Variants in SLCO2B1 observed in about 807,000 individuals in gnomAD.
SLCO2B1 encodes OATP-RP2.
A neutral mutation model predicts 67.3 loss-of-function variants in SLCO2B1; 41 were observed. The observed-to-expected ratio is 0.61, with a 90% CI of 0.47 to 0.79. SLCO2B1 has a LOEUF of 0.79. Among genes scored for constraint, SLCO2B1 ranks in the 30% least tolerant of loss-of-function variants. The probability of loss-of-function intolerance (pLI) is 0.00; values close to 1 mark genes in which losing one functional copy is unlikely to be tolerated. For synonymous variants in SLCO2B1, 379 were observed against 381.4 expected (o/e 0.99, Z 0.07); for missense variants, 837 against 920.1 (o/e 0.91, Z 1.17).
chr11:75,195,008 G>A (rs1022898773), intron 9 of SLCO2B1, among the ~76,000 whole-genome samples: 1 of 152,116 alleles, frequency 6.6e-6, no homozygotes, highest in Non-Finnish European at 1.5e-5. Context: ...AAGAACCGAC[G>A]GTCTCCCTTC....
intron 3 of SLCO2B1, 120 bp downstream of exon 3, chr11:75,164,220 C>A: frequency 5.4e-6 from 6 of 1,117,010 alleles, no homozygotes; most frequent in Non-Finnish European, 7.5e-6. Context: ...CCTCAGGCAA[C>A]CCCTGTCCCA....
At chr11:75,156,098 A>G (rs1229604326) in intron 1 of SLCO2B1, among the ~76,000 whole-genome samples, 1 of 152,196 alleles carries the variant, frequency 6.6e-6, no homozygotes, top group Non-Finnish European at 1.5e-5. Context: ...GGAGATAGAC[A>G]CTGCTCACTC....
intron 3 of SLCO2B1, among the ~76,000 whole-genome samples, chr11:75,165,069 C>T (rs538356312): frequency 2.0e-5 from 3 of 152,172 alleles, no homozygotes; most frequent in Admixed American, 6.5e-5. Context: ...CAGAGACTGT[C>T]CCTGCCCTGC....
intron 2 of SLCO2B1, chr11:75,163,037 C>T (rs970317820): frequency 4.0e-5 from 12 of 299,812 alleles, no homozygotes; most frequent in South Asian, 1.8e-4. Context: ...GGATGAGGCA[C>T]CCCTTGTTTC....
At chr11:75,196,750 TACTCTCC>T in intron 10 of SLCO2B1, 71 bp downstream of exon 10, 1 of 1,385,740 alleles carries the variant, frequency 7.2e-7, no homozygotes. Context: ...GGGCCTGTCA[TACTCTCC>T]ACTTCTGCAT....
intron 1 of SLCO2B1, chr11:75,159,823 T>C (rs1831801751): frequency 2.8e-5 from 28 of 984,786 alleles, no homozygotes; most frequent in Non-Finnish European, 3.4e-5. Context: ...CAGGAAGGCT[T>C]TGAGCCTTGG....
At chr11:75,162,903 G>C in intron 2 of SLCO2B1, 118 bp downstream of exon 2, 1 of 1,245,564 alleles carries the variant, frequency 8.0e-7, no homozygotes, top group African/African-American at 1.5e-5. Context: ...TCTATAGAAT[G>C]TGTGGCTGTG....
chr11:75,177,181 C>T (rs1950036349), intron 7 of SLCO2B1, among the ~76,000 whole-genome samples: 1 of 151,640 alleles, frequency 6.6e-6, no homozygotes, highest in Non-Finnish European at 1.5e-5. Context: ...CCTCTACACA[C>T]ACACACACAC....
At chr11:75,156,595 G>T (rs1451510846) in intron 1 of SLCO2B1, among the ~76,000 whole-genome samples, 2 of 152,132 alleles carry the variant, frequency 1.3e-5, no homozygotes, top group African/African-American at 4.8e-5. Context: ...CCAGAAAGGG[G>T]TCTGGATCCA....
chr11:75,204,501 A>T lies in SLCO2B1; in HGVS notation c.2051A>T (p.Glu684Val), dbSNP rs1215773529. The part of the protein sequence containing the change: ...RQQDKEARTK[E>V]SRSSPAVEQQ... ...CAGGACAAAGAGGCAAGGACCAAAG[A>T]GAGCAGATCCAGCCCTGCCGTAGAG... is the stretch of plus-strand genomic sequence containing the variant. Residue 684 changes from glutamate (E) to valine (V), a missense_variant, in exon 14 of 14, where the codon GAG becomes GTG. Glu to Val is a moderately radical substitution (Grantham distance 121, BLOSUM62 -2). Transcript: ENST00000289575. 6.2e-7 allele frequency: 1 copy of T among 1,613,598 alleles called. No individual in the cohort carries two copies. The highest frequency in any genetic ancestry group is 8.5e-7 in the Non-Finnish European group (1 of 1,179,742).
chr11:75,200,515 C>G (rs1945166773), intron 11 of SLCO2B1, 128 bp downstream of exon 11: 1 of 898,224 alleles, frequency 1.1e-6, no homozygotes, highest in Non-Finnish European at 1.6e-6. Flanking sequence ...CACAATATGG[C>G]CTTAACTGTG....
intron 7 of SLCO2B1, among the ~76,000 whole-genome samples, chr11:75,181,318 C>T (rs1041983002): frequency 3.5e-5 from 5 of 144,284 alleles, no homozygotes; most frequent in Non-Finnish European, 6.0e-5. Flanking sequence ...TGCAGTGAGC[C>T]GAGATTGCAT....
At chr11:75,200,524 T>A in intron 11 of SLCO2B1, 137 bp downstream of exon 11, 1 of 799,762 alleles carries the variant, frequency 1.3e-6, no homozygotes, top group Non-Finnish European at 1.8e-6. Flanking sequence ...GCCTTAACTG[T>A]GTTCATCCCA....
Position 75,203,287 on chromosome 11 carries a change from C to G in SLCO2B1, c.1829-20C>G. On this transcript the variant is annotated intron_variant, in intron 12 of 13. Transcript: ENST00000289575. ...TAGGACGGTGGGCCTTCATTGTCCC[C>G]TGAGCACCACCTCCCTCAGCCTGGA... 1.9e-6 allele frequency: 3 copies of G among 1,611,300 alleles called. No homozygotes were observed. Among genetic ancestry groups the G allele is most frequent in the Non-Finnish European group, 2.5e-6 (3 of 1,179,766 alleles).
chr11:75,193,479 GC>G lies in SLCO2B1; in HGVS notation c.1339del (p.Leu447CysfsTer141). ...HLGPVGCGAL[C>X]LLGMLLCLFF... ...GGCCCTGTGGGATGCGGTGCCCTTT[GC>G]CTGCTGGGGATGCTGCTGTGCCTCT... On this transcript the variant is annotated frameshift_variant, in exon 9 of 14. Transcript: ENST00000289575. LOFTEE classifies it high-confidence loss of function. This position sits in a 1 kb window ranked among gnomAD's most constrained non-coding sequence, Gnocchi z 4.2. 1.2e-6 allele frequency: 2 copies of G among 1,611,132 alleles called. No homozygotes were observed. Among genetic ancestry groups the G allele is most frequent in the Non-Finnish European group, 1.7e-6 (2 of 1,177,922 alleles).
At chr11:75,159,263 C>T (rs906519862) in intron 1 of SLCO2B1, among the ~76,000 whole-genome samples, 7 of 152,234 alleles carry the variant, frequency 4.6e-5, no homozygotes, top group African/African-American at 1.2e-4. Context: ...CGGGCCAGCT[C>T]GGGCTGTGGG....
chr11:75,196,664 T>C lies in SLCO2B1; in HGVS notation c.1584T>C (p.Ala528=). Residue 528 remains alanine, a synonymous_variant, in exon 10 of 14, where the codon GCT becomes GCC. Coordinates refer to ENST00000289575, the MANE Select transcript of SLCO2B1 (RefSeq NM_007256.5). The stretch of plus-strand genomic sequence containing the variant: ...GCTCAAGCTGGGTGGTCCAGGATGC[T>C]CTGGACAACAGCCAGGTGAGTCAGG... The part of the protein sequence containing the change: ...AGCSSWVVQD[A]LDNSQVFYTN... The C allele has an allele frequency of 1.2e-6, 2 of 1,613,514 alleles. No individual in the cohort carries two copies. Among genetic ancestry groups the C allele is most frequent in the South Asian group, 2.2e-5 (2 of 91,028 alleles).
At chr11:75,191,637 G>A (rs1945024867) in intron 8 of SLCO2B1, among the ~76,000 whole-genome samples, 1 of 152,208 alleles carries the variant, frequency 6.6e-6, no homozygotes, top group South Asian at 2.1e-4. Flanking sequence ...CATGACAGAG[G>A]CCCTGGTCCT....
chr11:75,188,410 A>G (rs937767811), intron 8 of SLCO2B1, among the ~76,000 whole-genome samples, 172 bp downstream of exon 8: 2 of 152,148 alleles, frequency 1.3e-5, no homozygotes, highest in Non-Finnish European at 2.9e-5. Context: ...TGCCTGGACC[A>G]TCATTTTTTA....
Sources: allele counts gnomAD v4.1 joint callset (sites outside exome capture counted in the v4.1 genomes callset), GRCh38; gene constraint gnomAD v4.1.1; non-coding constraint Gnocchi (gnomAD v3.1); transcripts MANE v1.5; gene names NCBI Gene and HGNC (gene_info 2026-07-23, HGNC 2026-07-21).